The following ATRNL1 variants were observed in gnomAD, a reference collection of about 807,000 sequenced individuals.
ATRNL1 encodes attractin-like protein 1.
In ATRNL1, 95 loss-of-function variants were observed where a neutral mutation model predicts 182.7. The ratio of observed to expected loss-of-function variants is 0.52; its 90% CI spans 0.44 to 0.62. The LOEUF is 0.62. Ranked by LOEUF, ATRNL1 falls within the 20% of genes least tolerant of loss-of-function variation. The pLI, the probability that ATRNL1 is intolerant of heterozygous loss-of-function variation, is 0.00. For missense variants in ATRNL1, 1,471 were observed against 1,679.5 expected (o/e 0.88, Z 2.17); for synonymous variants, 576 against 568.3 (o/e 1.01, Z -0.19).
rs58330605 is a variant in ATRNL1 at position 115,547,254 on chromosome 10, C to CAAA, written c.3717-2196_3717-2194dup. Among the ~76,000 whole-genome samples the CAAA allele has an allele frequency of 7.1e-5, 9 of 127,420 alleles. 1 individual carries two copies. The highest frequency in any genetic ancestry group is 1.1e-4 in the African/African-American group (4 of 35,836). 83.6% of individuals were successfully genotyped at this position (127,420 alleles called of 152,430 possible). A position where few individuals can be genotyped will look rare whatever the true frequency, so the allele number is the denominator to read the frequency against. ...TGGGTGACAGAGTGAGACTCCATCT[C>CAAA]AAAAAAAAAATATATATATATATAT... On this transcript the variant is annotated intron_variant, in intron 25 of 28. Transcript: ENST00000355044.
chr10:115,213,454 C>G (rs550926406), intron 8 of ATRNL1, among the ~76,000 whole-genome samples: 2 of 152,060 alleles, frequency 1.3e-5, no homozygotes, highest in Non-Finnish European at 2.9e-5. Context: ...ACCCAAGTAA[C>G]CTTTTGTTCT....
chr10:115,368,890 A>G (rs1170090818), intron 19 of ATRNL1, among the ~76,000 whole-genome samples: 1 of 151,574 alleles, frequency 6.6e-6, no homozygotes, highest in Non-Finnish European at 1.5e-5. Flanking sequence ...ATTTTTGTAT[A>G]TTTAGTAGAG....
intron 5 of ATRNL1, among the ~76,000 whole-genome samples, chr10:115,144,890 A>G (rs1461420629): frequency 1.4e-5 from 2 of 139,650 alleles, no homozygotes; most frequent in East Asian, 2.0e-4. Context: ...TCTGTTTGCA[A>G]TGAGGTTCAG....
intron 28 of ATRNL1, among the ~76,000 whole-genome samples, chr10:115,908,645 A>G (rs1164317930): frequency 1.3e-5 from 2 of 152,184 alleles, no homozygotes; most frequent in Non-Finnish European, 2.9e-5. Context: ...TTGAGGGGCC[A>G]TTATTTTGCC....
intron 26 of ATRNL1, among the ~76,000 whole-genome samples, chr10:115,612,109 G>A (rs932550856): frequency 2.0e-5 from 3 of 152,184 alleles, no homozygotes; most frequent in Admixed American, 6.5e-5. Context: ...AAACTTAACC[G>A]GGTGTTGTGG....
intron 5 of ATRNL1, among the ~76,000 whole-genome samples, chr10:115,148,744 G>A (rs977237116): frequency 1.7e-5 from 2 of 116,746 alleles, no homozygotes; most frequent in African/African-American, 6.4e-5. Flanking sequence ...GGCCAGATGC[G>A]TTTTTTTTTT....
At chr10:115,124,865 G>T (rs1844897074) in intron 3 of ATRNL1, among the ~76,000 whole-genome samples, 1 of 152,166 alleles carries the variant, frequency 6.6e-6, no homozygotes, top group South Asian at 2.1e-4. Context: ...CAGTAGTCAT[G>T]CATTAGTGGG....
chr10:115,510,581 A>G (rs1554982427), intron 24 of ATRNL1, among the ~76,000 whole-genome samples: 2 of 151,984 alleles, frequency 1.3e-5, no homozygotes, highest in African/African-American at 2.4e-5. Context: ...TTGCACATTT[A>G]ATAGGCTACA....
intron 19 of ATRNL1, among the ~76,000 whole-genome samples, chr10:115,360,771 C>T (rs2134155598): frequency 6.6e-6 from 1 of 151,728 alleles, no homozygotes; most frequent in South Asian, 2.1e-4. Context: ...CTGTCTTAGT[C>T]TTTAACCTGG....
intron 20 of ATRNL1, among the ~76,000 whole-genome samples, chr10:115,397,802 T>C (rs1844362558): frequency 6.6e-6 from 1 of 152,000 alleles, no homozygotes; most frequent in Non-Finnish European, 1.5e-5. Context: ...ATATTGCTTC[T>C]ACCCTTACAA....
intron 5 of ATRNL1, among the ~76,000 whole-genome samples, chr10:115,134,707 C>G (rs1845421613): frequency 6.6e-6 from 1 of 152,132 alleles, no homozygotes; most frequent in African/African-American, 2.4e-5. Context: ...CATCCTGATA[C>G]CAAAGCCTGG....
chr10:115,402,502 A>G (rs1274350095), intron 20 of ATRNL1, among the ~76,000 whole-genome samples: 3 of 152,048 alleles, frequency 2.0e-5, no homozygotes, highest in African/African-American at 4.8e-5. Context: ...AAAAAAGTTT[A>G]TTGTTTCACT....
intron 9 of ATRNL1, among the ~76,000 whole-genome samples, chr10:115,236,703 G>A (rs782246256): frequency 2.0e-5 from 3 of 151,938 alleles, no homozygotes; most frequent in Non-Finnish European, 4.4e-5. Context: ...TGTGTCTTAC[G>A]TGAATATGGT....
intron 26 of ATRNL1, among the ~76,000 whole-genome samples, chr10:115,722,100 T>C (rs147529139): frequency 1.4e-3 from 219 of 152,306 alleles, no homozygotes; most frequent in African/African-American, 4.3e-3. Context: ...AAAAATACCA[T>C]TTGACAAAGA....
At chr10:115,120,733 A>G (rs1726756403) in intron 2 of ATRNL1, among the ~76,000 whole-genome samples, 1 of 152,134 alleles carries the variant, frequency 6.6e-6, no homozygotes, top group African/African-American at 2.4e-5. Flanking sequence ...TGTATTGTGA[A>G]TGGAGCATAA....
intron 1 of ATRNL1, among the ~76,000 whole-genome samples, chr10:115,119,113 T>C (rs761544162): frequency 1.3e-5 from 2 of 152,152 alleles, no homozygotes; most frequent in Non-Finnish European, 2.9e-5. Flanking sequence ...TTTGAGAATA[T>C]AGGAATTTGT....
At chr10:115,908,552 T>C (rs1555115110) in intron 28 of ATRNL1, among the ~76,000 whole-genome samples, 1 of 152,164 alleles carries the variant, frequency 6.6e-6, no homozygotes, top group Admixed American at 6.5e-5. Flanking sequence ...GGATAATCTC[T>C]CCATCTGAAG....
chr10:115,499,137 A>T (rs1376374780), intron 24 of ATRNL1, among the ~76,000 whole-genome samples: 1 of 152,182 alleles, frequency 6.6e-6, no homozygotes, highest in Non-Finnish European at 1.5e-5. Flanking sequence ...AGGTATCATT[A>T]TAATTACTAA....
chr10:115,410,152 A>G (rs1361835996), intron 20 of ATRNL1, among the ~76,000 whole-genome samples: 1 of 152,020 alleles, frequency 6.6e-6, no homozygotes, highest in African/African-American at 2.4e-5. Context: ...AGTTTTGAAA[A>G]TGTCCATCAG....
Sources: allele counts gnomAD v4.1 joint callset (sites outside exome capture counted in the v4.1 genomes callset), GRCh38; gene constraint gnomAD v4.1.1; transcripts MANE v1.5; gene names NCBI Gene and HGNC (gene_info 2026-07-23, HGNC 2026-07-21).